Variants in NELL2 observed in about 807,000 individuals in gnomAD.
NELL2 encodes the protein protein kinase C-binding protein NELL2.
A neutral mutation model predicts 109.6 loss-of-function variants in NELL2; 41 were observed. The ratio of observed to expected loss-of-function variants is 0.37; its 90% CI spans 0.29 to 0.49. NELL2 has a LOEUF of 0.49. Ranked by LOEUF, NELL2 falls within the 20% of genes least tolerant of loss-of-function variation. NELL2 has a pLI of 0.98. For missense variants in NELL2, 900 were observed against 1,008.3 expected, an observed-to-expected ratio of 0.89 and a Z score of 1.45; for synonymous variants, 355 against 344.7, an observed-to-expected ratio of 1.03 and a Z score of -0.33.
At chr12:44,517,252 T>C (rs928573854) in intron 19 of NELL2, among the ~76,000 whole-genome samples, 1 of 152,176 alleles carries the variant, frequency 6.6e-6, no homozygotes, top group African/African-American at 2.4e-5. Flanking sequence ...ATTTTTTCCT[T>C]AGATCGAGTT....
In NELL2 at chr12:44,776,148, C is replaced by T. The variant is rs553270551; in HGVS notation, c.765G>A (p.Leu255=). Residue 255 remains leucine, a splice_region_variant and synonymous_variant, in exon 8 of 20, where the codon CTG becomes CTA. Coordinates refer to ENST00000429094, the MANE Select transcript of NELL2 (RefSeq NM_001145108.2). ...QDILAKTSAK[L]SRAEQRMNRL... ...TATTCATTCGCTGTTCAGCTCGAGACAGCTGTGGCACAAAAGAACGGGTTT... is the reference window on the plus strand; with the variant it reads ...TATTCATTCGCTGTTCAGCTCGAGATAGCTGTGGCACAAAAGAACGGGTTT... 2 of 1,613,372 alleles carry T rather than the reference C, an allele frequency of 1.2e-6. No individual in the cohort carries two copies. Among genetic ancestry groups the T allele is most frequent in the Non-Finnish European group, 1.7e-6 (2 of 1,179,716 alleles).
intron 3 of NELL2, among the ~76,000 whole-genome samples, chr12:44,807,837 C>G (rs957167433): frequency 1.3e-5 from 2 of 151,858 alleles, no homozygotes; most frequent in Admixed American, 1.3e-4. Flanking sequence ...GCAGGAGCAC[C>G]AAGTTGGTTT....
intron 10 of NELL2, among the ~76,000 whole-genome samples, chr12:44,713,442 T>C (rs555542879): frequency 2.6e-5 from 4 of 152,084 alleles, no homozygotes; most frequent in South Asian, 2.1e-4. Flanking sequence ...AATTCTTTTA[T>C]CTATTGTGAG....
chr12:44,521,313 G>A (rs1470295989), intron 18 of NELL2, among the ~76,000 whole-genome samples: 2 of 151,924 alleles, frequency 1.3e-5, no homozygotes, highest in East Asian at 1.9e-4. Context: ...GGCGGATCAC[G>A]AGGTCAGGAG....
At chr12:44,747,915 T>C (rs1310816499) in intron 9 of NELL2, among the ~76,000 whole-genome samples, 1 of 152,154 alleles carries the variant, frequency 6.6e-6, no homozygotes, top group African/African-American at 2.4e-5. Context: ...AACAAAATCC[T>C]TCTCCCGATA....
chr12:44,662,502 C>T (rs1947781211), intron 13 of NELL2, among the ~76,000 whole-genome samples: 1 of 152,118 alleles, frequency 6.6e-6, no homozygotes, highest in African/African-American at 2.4e-5. Flanking sequence ...TCAGTTTCTT[C>T]ATTTGTGAAA....
At chr12:44,668,654 C>T (rs996459405) in intron 12 of NELL2, among the ~76,000 whole-genome samples, 1 of 152,062 alleles carries the variant, frequency 6.6e-6, no homozygotes, top group Non-Finnish European at 1.5e-5. Flanking sequence ...ATGCCTGCTG[C>T]CACTGGAATA....
At chr12:44,645,879 T>A (rs1358804867) in intron 13 of NELL2, among the ~76,000 whole-genome samples, 1 of 152,150 alleles carries the variant, frequency 6.6e-6, no homozygotes, top group African/African-American at 2.4e-5. Context: ...TATATTATAG[T>A]ATATTATACT....
At chr12:44,551,666 A>G (rs1428454820) in intron 15 of NELL2, among the ~76,000 whole-genome samples, 2 of 152,168 alleles carry the variant, frequency 1.3e-5, no homozygotes, top group African/African-American at 2.4e-5. Context: ...CTAAGTGGGT[A>G]TAATGGTTAA....
At chr12:44,660,953 T>C (rs572631054) in intron 13 of NELL2, among the ~76,000 whole-genome samples, 54 of 152,242 alleles carry the variant, frequency 3.5e-4, no homozygotes, top group Middle Eastern at 3.4e-3. Context: ...AAGTGATGAA[T>C]TGGCAGCCAG....
At chr12:44,791,494 G>C (rs2136631496) in intron 3 of NELL2, among the ~76,000 whole-genome samples, 1 of 151,714 alleles carries the variant, frequency 6.6e-6, no homozygotes, top group Admixed American at 6.6e-5. Flanking sequence ...GCTCGGTATA[G>C]AGCTCCTGCA....
Position 44,607,866 on chromosome 12 carries a change from T to G in NELL2, c.1568-602A>C, listed in dbSNP as rs113304029. On this transcript the variant is annotated intron_variant, in intron 14 of 19. Coordinates refer to ENST00000429094, the MANE Select transcript of NELL2 (RefSeq NM_001145108.2). The stretch of plus-strand genomic sequence containing the variant: ...AATCCAGGATCAAGGGCCAAGACAC[T>G]ATATAACCTGTTTTATCAGAGTGGT... Among the ~76,000 whole-genome samples the G allele has an allele frequency of 7.2e-3, 1,089 of 152,202 alleles. 11 individuals are homozygous for G. Among genetic ancestry groups the G allele is most frequent in the African/African-American group, 0.025 (1,021 of 41,538 alleles).
chr12:44,831,197 G>A (rs1359324509), intron 2 of NELL2, among the ~76,000 whole-genome samples: 1 of 151,920 alleles, frequency 6.6e-6, no homozygotes, highest in African/African-American at 2.4e-5. Context: ...ACTAATCTCT[G>A]TACTTTACCT....
intron 2 of NELL2, among the ~76,000 whole-genome samples, chr12:44,819,050 T>G (rs1373980427): frequency 1.3e-5 from 2 of 152,196 alleles, no homozygotes; most frequent in African/African-American, 4.8e-5. Flanking sequence ...CCAGTTCACT[T>G]ATTTTTTAAT....
chr12:44,889,284 T>C (rs1945507848), intron 1 of NELL2, among the ~76,000 whole-genome samples: 1 of 152,054 alleles, frequency 6.6e-6, no homozygotes, highest in Non-Finnish European at 1.5e-5. Context: ...CAAATAGCAC[T>C]AGTGACCTTT....
intron 1 of NELL2, among the ~76,000 whole-genome samples, chr12:44,907,068 G>A (rs1484627435): frequency 6.6e-6 from 1 of 151,970 alleles, no homozygotes; most frequent in African/African-American, 2.4e-5. Flanking sequence ...TTTATAAGGG[G>A]CTTTTCCCCC....
chr12:44,711,897 C>A (rs975117944), intron 10 of NELL2, among the ~76,000 whole-genome samples: 2 of 151,994 alleles, frequency 1.3e-5, no homozygotes, highest in African/African-American at 4.8e-5. Context: ...GGGCAGGATT[C>A]TTGTCTCTTG....
intron 9 of NELL2, among the ~76,000 whole-genome samples, chr12:44,756,671 T>A (rs1940905468): frequency 6.6e-6 from 1 of 152,260 alleles, no homozygotes; most frequent in South Asian, 2.1e-4. Flanking sequence ...ACTTCCTACC[T>A]CCTAAAATAC....
At chr12:44,577,972 G>T (rs1410707937) in intron 15 of NELL2, among the ~76,000 whole-genome samples, 1 of 152,156 alleles carries the variant, frequency 6.6e-6, no homozygotes, top group East Asian at 1.9e-4. Context: ...ACATGCTATA[G>T]TAATTTGTGT....
Sources: gnomAD v4.1 joint callset for allele counts (sites outside exome capture counted in the v4.1 genomes callset) on GRCh38, gnomAD v4.1.1 for gene constraint, MANE v1.5 for transcripts, NCBI Gene and HGNC (gene_info 2026-07-23, HGNC 2026-07-21) for gene names.